Variants in PLAG1 observed in about 807,000 individuals in gnomAD.
PLAG1 encodes zinc finger protein PLAG1.
In PLAG1, 7 loss-of-function variants were observed where a neutral mutation model predicts 35.5. That is an observed-to-expected ratio of 0.20 (90% CI 0.11 to 0.37). PLAG1 has a LOEUF of 0.37. PLAG1 is among the 10% of genes least tolerant of loss of function. The pLI is 1.00. For missense variants in PLAG1, 454 were observed against 602.8 expected (o/e 0.75, Z 2.58); for synonymous variants, 229 against 225.4 (o/e 1.02, Z -0.14).
chr8:56,172,336 C>T (rs1347880517), intron 2 of PLAG1, among the ~76,000 whole-genome samples: 2 of 151,944 alleles, frequency 1.3e-5, no homozygotes, highest in African/African-American at 4.8e-5. Flanking sequence ...AAAATTTAGA[C>T]CTATAAAGGT....
intron 2 of PLAG1, among the ~76,000 whole-genome samples, chr8:56,174,833 A>G (rs1053051213): frequency 1.3e-5 from 2 of 152,302 alleles, no homozygotes; most frequent in East Asian, 1.9e-4. Context: ...GTACAGTATA[A>G]CAACTATTTA....
intron 2 of PLAG1, chr8:56,171,416 A>G (rs1419351122): frequency 6.6e-6 from 1 of 152,224 alleles, no homozygotes; most frequent in African/African-American, 2.4e-5. Flanking sequence ...ATAAATAGCA[A>G]TTTGTGATGC....
intron 1 of PLAG1, among the ~76,000 whole-genome samples, chr8:56,180,957 T>C (rs1441129328): frequency 2.0e-5 from 3 of 151,842 alleles, no homozygotes; most frequent in Non-Finnish European, 4.4e-5. Context: ...CAAACAAACA[T>C]ATGAAAAAAA....
At position 56,161,748 on chromosome 8, in the gene PLAG1, TGA is replaced by T. The variant is rs1811208387; in HGVS notation, c.*4493_*4494del. ...CTATGGATAAAAAAATACGACTGAA[TGA>T]GACAGAGAAGTTTGTAGCACCATGA... On this transcript the variant is annotated 3_prime_UTR_variant, in exon 5 of 5. Coordinates refer to ENST00000316981, the MANE Select transcript of PLAG1 (RefSeq NM_002655.3). 1 of 229,796 alleles carries T rather than the reference TGA, an allele frequency of 4.4e-6. No homozygotes were observed. Among genetic ancestry groups the T allele is most frequent in the Non-Finnish European group, 8.6e-6 (1 of 115,696 alleles). 14.2% of individuals were successfully genotyped at this position (229,796 alleles called of 1,614,324 possible). A position where few individuals can be genotyped will look rare whatever the true frequency, so the allele number is the denominator to read the frequency against.
chr8:56,161,640 G>A lies in PLAG1; in HGVS notation c.*4603C>T. 1 of 227,818 alleles carries A rather than the reference G, an allele frequency of 4.4e-6. No individual in the cohort carries two copies. The highest frequency in any genetic ancestry group is 8.7e-6 in the Non-Finnish European group (1 of 114,316). 14.1% of individuals were successfully genotyped at this position (227,818 alleles called of 1,614,324 possible). ...TGCAAGTGCACATGAATACATTGTGGTGGTGTAAAAGTTTGTTAATGACAA... is the reference window on the plus strand; with the variant it reads ...TGCAAGTGCACATGAATACATTGTGATGGTGTAAAAGTTTGTTAATGACAA... On this transcript the variant is annotated 3_prime_UTR_variant, in exon 5 of 5. Transcript: ENST00000316981.
chr8:56,177,088 T>C (rs1364789023), intron 2 of PLAG1, among the ~76,000 whole-genome samples: 1 of 151,934 alleles, frequency 6.6e-6, no homozygotes, highest in Non-Finnish European at 1.5e-5. Flanking sequence ...GTTGTACTTA[T>C]CTATAAAAGC....
chr8:56,188,518 A>G (rs190362414), intron 1 of PLAG1, among the ~76,000 whole-genome samples: 1 of 152,378 alleles, frequency 6.6e-6, no homozygotes, highest in Admixed American at 6.5e-5. Context: ...GGTCCACCTT[A>G]TAAGTCACCT....
At chr8:56,196,654 GAGC>G (rs1812376685) in intron 1 of PLAG1, among the ~76,000 whole-genome samples, 1 of 152,062 alleles carries the variant, frequency 6.6e-6, no homozygotes, top group African/African-American at 2.4e-5. Flanking sequence ...ACGCATAGAC[GAGC>G]AGCGTGTGCA....
In PLAG1 at chr8:56,165,503, G is replaced by A. The variant is rs115512007; in HGVS notation, c.*740C>T. 0.035 allele frequency: 7,373 copies of A among 209,694 alleles called. 139 individuals carry two copies. The highest frequency in any genetic ancestry group is 0.068 in the Middle Eastern group (44 of 644). The allele number at this position is 209,694 out of a possible 1,614,324, so 13.0% of individuals were successfully genotyped here. A position where few individuals can be genotyped will look rare whatever the true frequency, so the allele number is the denominator to read the frequency against. ...AATGAAAAGATAGCATGTTAAGAAGGATGAAACACGACAAAATATCCTGTG... is the reference window on the plus strand; with the variant it reads ...AATGAAAAGATAGCATGTTAAGAAGAATGAAACACGACAAAATATCCTGTG... On this transcript the variant is annotated 3_prime_UTR_variant, in exon 5 of 5. Coordinates refer to ENST00000316981, the MANE Select transcript of PLAG1 (RefSeq NM_002655.3).
chr8:56,207,587 T>C (rs1291380235), intron 1 of PLAG1, among the ~76,000 whole-genome samples: 3 of 152,110 alleles, frequency 2.0e-5, no homozygotes, highest in Admixed American at 6.5e-5. Flanking sequence ...CCACAGCAGA[T>C]AAATTCTTTA....
chr8:56,198,504 C>G (rs1278594925), intron 1 of PLAG1, among the ~76,000 whole-genome samples: 1 of 152,210 alleles, frequency 6.6e-6, no homozygotes, highest in African/African-American at 2.4e-5. Flanking sequence ...AACCCCCGCT[C>G]TGCTCCGGAG....
chr8:56,197,050 G>A lies in PLAG1; in HGVS notation c.-322+14071C>T, dbSNP rs917942803. ...ATCTCTGGGGCCCTCCCACTCTGGC[G>A]TGTATTTCTGTCTCTCCCCCCAACT... On this transcript the variant is annotated intron_variant, in intron 1 of 4. Coordinates refer to ENST00000316981, the MANE Select transcript of PLAG1 (RefSeq NM_002655.3). 4.0e-5 allele frequency among the ~76,000 whole-genome samples: 6 copies of A among 151,688 alleles called. No individual in the cohort carries two copies. The East Asian group carries it at 5.9e-4, about 15-fold the overall frequency.
At chr8:56,193,997 C>T (rs1812274264) in intron 1 of PLAG1, among the ~76,000 whole-genome samples, 2 of 152,078 alleles carry the variant, frequency 1.3e-5, no homozygotes, top group Admixed American at 1.3e-4. Context: ...GGATTACAGG[C>T]GTGAGCCACC....
intron 1 of PLAG1, among the ~76,000 whole-genome samples, chr8:56,191,731 C>T (rs1362573398): frequency 6.6e-6 from 1 of 151,484 alleles, no homozygotes; most frequent in Non-Finnish European, 1.5e-5. Context: ...GTTTTTCTCC[C>T]CACCTTAACA....
rs1442912627 is a variant in PLAG1 at position 56,163,890 on chromosome 8, A to C, written c.*2353T>G. On this transcript the variant is annotated 3_prime_UTR_variant, in exon 5 of 5. Transcript: ENST00000316981. The stretch of plus-strand genomic sequence containing the variant: ...AGTGCTTCCACACTTGCTATTTGTG[A>C]TTTCTATTTAAAAATAGGTTTTCTA... 5.4e-6 allele frequency: 1 copy of C among 183,776 alleles called. No homozygotes were observed. Among genetic ancestry groups the C allele is most frequent in the Non-Finnish European group, 1.2e-5 (1 of 86,354 alleles). 11.4% of individuals were successfully genotyped at this position (183,776 alleles called of 1,614,324 possible).
chr8:56,208,143 G>A (rs1172987302), intron 1 of PLAG1, among the ~76,000 whole-genome samples: 1 of 152,030 alleles, frequency 6.6e-6, no homozygotes, highest in Non-Finnish European at 1.5e-5. Flanking sequence ...CAAGATCTAA[G>A]TCTCATTTAT....
chr8:56,192,971 G>A (rs1812231845), intron 1 of PLAG1, among the ~76,000 whole-genome samples: 1 of 152,094 alleles, frequency 6.6e-6, no homozygotes, highest in Non-Finnish European at 1.5e-5. Context: ...GTAACTGTGG[G>A]TCAAAAAAGA....
chr8:56,166,126 T>C lies in PLAG1; in HGVS notation c.*117A>G. 1.5e-6 allele frequency: 1 copy of C among 647,302 alleles called. No homozygotes were observed. Among genetic ancestry groups the C allele is most frequent in the Non-Finnish European group, 2.6e-6 (1 of 389,028 alleles). 40.1% of individuals were successfully genotyped at this position (647,302 alleles called of 1,614,324 possible). ...TATTTTATACTGGCTTAATGAAAAT[T>C]TGTATTATACAAAAGCAGAAATTTT... On this transcript the variant is annotated 3_prime_UTR_variant, in exon 5 of 5. Coordinates refer to ENST00000316981, the MANE Select transcript of PLAG1 (RefSeq NM_002655.3).
At chr8:56,208,039 A>G (rs1468228207) in intron 1 of PLAG1, among the ~76,000 whole-genome samples, 1 of 152,150 alleles carries the variant, frequency 6.6e-6, no homozygotes, top group Non-Finnish European at 1.5e-5. Context: ...AACCTGAATA[A>G]CACGATAATC....
Sources: gnomAD v4.1 joint callset for allele counts (sites outside exome capture counted in the v4.1 genomes callset) on GRCh38, gnomAD v4.1.1 for gene constraint, MANE v1.5 for transcripts, NCBI Gene and HGNC (gene_info 2026-07-23, HGNC 2026-07-21) for gene names.